The following FRMD6 variants were observed in gnomAD, a reference collection of about 807,000 sequenced individuals.
The protein encoded by FRMD6 is FERM domain containing 6, also known as FERM domain-containing protein 6.
Under a neutral mutation model 73.2 loss-of-function variants are expected in FRMD6, and 37 were observed. The ratio of observed to expected loss-of-function variants is 0.51; its 90% CI spans 0.39 to 0.66. The LOEUF (loss-of-function observed/expected upper bound fraction) is 0.66, where lower values mean the gene tolerates loss of function less well. Among genes scored for constraint, FRMD6 ranks in the 30% least tolerant of loss-of-function variants. FRMD6 has a pLI of 0.00. For missense variants in FRMD6, 714 were observed against 780.5 expected, an observed-to-expected ratio of 0.91 and a Z score of 1.02; for synonymous variants, 273 against 282.2, an observed-to-expected ratio of 0.97 and a Z score of 0.33.
the FRMD6 span, chr14:51,436,127 T>TC: frequency 4.0e-6 from 1 of 250,518 alleles, no homozygotes; most frequent in Non-Finnish European, 7.7e-6. Flanking sequence ...CATTGACTTC[T>TC]GCAGGCTTAC....
intron 2 of FRMD6, among the ~76,000 whole-genome samples, chr14:51,632,251 T>C (rs775836286): frequency 2.0e-5 from 3 of 152,242 alleles, no homozygotes; most frequent in Non-Finnish European, 4.4e-5. Context: ...ATTAGACCTC[T>C]TTCCTTTATA....
chr14:51,551,631 G>C (rs138922365), intron 1 of FRMD6, among the ~76,000 whole-genome samples: 1 of 152,090 alleles, frequency 6.6e-6, no homozygotes, highest in Non-Finnish European at 1.5e-5. Context: ...CAGCTACTTG[G>C]GGGGCTGAGG....
intron 1 of FRMD6, among the ~76,000 whole-genome samples, chr14:51,553,311 T>C (rs1268309069): frequency 6.6e-6 from 1 of 152,208 alleles, no homozygotes. Context: ...CCCTTAACTC[T>C]GCAGGATGGG....
At chr14:51,656,555 A>C (rs1396981378) in intron 1 of FRMD6, among the ~76,000 whole-genome samples, 1 of 151,942 alleles carries the variant, frequency 6.6e-6, no homozygotes, top group Non-Finnish European at 1.5e-5. Flanking sequence ...CTGGGATTAT[A>C]GGTGCCTGCC....
intron 2 of FRMD6, among the ~76,000 whole-genome samples, chr14:51,584,455 T>C (rs1274500770): frequency 1.3e-5 from 2 of 152,196 alleles, no homozygotes; most frequent in Non-Finnish European, 2.9e-5. Flanking sequence ...CAAGCTGGCA[T>C]AGCTTTGGCA....
intron 1 of FRMD6, among the ~76,000 whole-genome samples, chr14:51,556,029 C>T (rs188445963): frequency 3.7e-4 from 56 of 152,320 alleles, no homozygotes; most frequent in Non-Finnish European, 5.7e-4. Flanking sequence ...CTCAGCTACT[C>T]ATAATCTCCT....
rs1897186850 is a variant in FRMD6, at chr14:51,715,467, T to A, written c.992T>A (p.Leu331Gln). The A allele has an allele frequency of 6.2e-7, 1 of 1,611,842 alleles. No homozygotes were observed. Among genetic ancestry groups the A allele is most frequent in the African/African-American group, 1.3e-5 (1 of 74,822 alleles). ...CTCTATATGAATCTGCAGCCTGTCC[T>A]GCGCCATATCCGGAAGCTGGAGGAA... ...HRLYMNLQPV[L>Q]RHIRKLEENE... The change falls in exon 10 of 14, where the codon CTG becomes CAG. Residue 331 changes from leucine (L) to glutamine (Q), a missense_variant. Coordinates refer to ENST00000344768, the MANE Select transcript of FRMD6 (RefSeq NM_001267046.2).
chr14:51,541,737 G>A (rs1214208880), intron 1 of FRMD6, among the ~76,000 whole-genome samples: 1 of 152,064 alleles, frequency 6.6e-6, no homozygotes, highest in Non-Finnish European at 1.5e-5. Context: ...GTATAGGAGA[G>A]ATTAACCTTG....
intron 1 of FRMD6, among the ~76,000 whole-genome samples, chr14:51,566,139 T>C (rs917042121): frequency 3.9e-5 from 6 of 152,202 alleles, no homozygotes; most frequent in Admixed American, 3.9e-4. Flanking sequence ...AACTCTAGCC[T>C]GGGCGACAGA....
chr14:51,653,930 C>T (rs1055438901), intron 1 of FRMD6, among the ~76,000 whole-genome samples: 1 of 152,208 alleles, frequency 6.6e-6, no homozygotes, highest in African/African-American at 2.4e-5. Context: ...AGGACATCTT[C>T]TCCAGAAAGC....
the FRMD6 span, among the ~76,000 whole-genome samples, chr14:51,446,337 G>T: frequency 6.6e-6 from 1 of 152,064 alleles, no homozygotes; most frequent in Non-Finnish European, 1.5e-5. Context: ...AGAAAGTAGA[G>T]ATAAGCTTGA....
upstream of FRMD6, among the ~76,000 whole-genome samples, chr14:51,648,569 C>T (rs562581435): frequency 6.6e-6 from 1 of 152,322 alleles, no homozygotes; most frequent in East Asian, 1.9e-4. Context: ...AACTTGTTCT[C>T]AGGCAAACTT....
At chr14:51,708,412 C>G in intron 7 of FRMD6, 179 bp downstream of exon 7, 1 of 587,920 alleles carries the variant, frequency 1.7e-6, no homozygotes, top group Non-Finnish European at 2.9e-6. Flanking sequence ...GGCCATGGTG[C>G]TTTTACTCTG....
chr14:51,701,169 C>A lies in FRMD6; in HGVS notation c.294+10C>A. 1 of 1,442,248 alleles carries A rather than the reference C, an allele frequency of 6.9e-7. No homozygotes were observed. Among genetic ancestry groups the A allele is most frequent in the Non-Finnish European group, 9.4e-7 (1 of 1,059,160 alleles). The allele number at this position is 1,442,248 out of a possible 1,614,324, so 89.3% of individuals were successfully genotyped here. ...ATACGAAGTCACTTGGGTGAGATTA[C>A]ATTTATAAGCAAAATTATTTTGATT... On this transcript the variant is annotated intron_variant, in intron 4 of 13. Transcript: ENST00000344768.
chr14:51,605,636 C>T (rs1490242155), intron 2 of FRMD6, among the ~76,000 whole-genome samples: 1 of 151,978 alleles, frequency 6.6e-6, no homozygotes, highest in African/African-American at 2.4e-5. Flanking sequence ...GGTGTCATGC[C>T]CCCATCTGCA....
chr14:51,586,420 T>C (rs1425658834), intron 2 of FRMD6, among the ~76,000 whole-genome samples: 1 of 152,214 alleles, frequency 6.6e-6, no homozygotes, highest in Non-Finnish European at 1.5e-5. Flanking sequence ...TGCCCACTTT[T>C]TAAAGGGGTT....
chr14:51,712,639 C>T (rs1566588631), intron 9 of FRMD6, 88 bp downstream of exon 9: 3 of 829,836 alleles, frequency 3.6e-6, no homozygotes, highest in Admixed American at 4.4e-5. Context: ...TGTTTTTAAA[C>T]AATATTGTCT....
chr14:51,442,259 G>A, the FRMD6 span, among the ~76,000 whole-genome samples: 2 of 151,964 alleles, frequency 1.3e-5, no homozygotes, highest in African/African-American at 2.4e-5. Flanking sequence ...CCCCTCCTCC[G>A]CTCTCTCTTG....
chr14:51,452,274 G>A, the FRMD6 span, among the ~76,000 whole-genome samples: 1 of 152,212 alleles, frequency 6.6e-6, no homozygotes, highest in Non-Finnish European at 1.5e-5. Flanking sequence ...AGGTGACTAA[G>A]GTTCTAGGCC....
Sources: allele counts gnomAD v4.1 joint callset (sites outside exome capture counted in the v4.1 genomes callset), GRCh38; gene constraint gnomAD v4.1.1; transcripts MANE v1.5; gene names NCBI Gene and HGNC (gene_info 2026-07-23, HGNC 2026-07-21).